RPS20: variants seen among roughly 807,000 people sequenced by gnomAD.
The protein encoded by RPS20 is ribosomal protein S20, also known as small ribosomal subunit protein uS10.
RPS20 carries 3 observed loss-of-function variants against 15.3 expected under a neutral mutation model. The ratio of observed to expected loss-of-function variants is 0.20; its 90% CI spans 0.09 to 0.51. RPS20 has a LOEUF of 0.51. Ranked by LOEUF, RPS20 falls within the 20% of genes least tolerant of loss-of-function variation. The pLI, the probability that RPS20 is intolerant of heterozygous loss-of-function variation, is 0.96. For synonymous variants in RPS20, 62 were observed against 47.8 expected (o/e 1.30, Z -1.23); for missense variants, 67 against 145.9 (o/e 0.46, Z 2.79).
At chr8:56,069,446 G>A (rs540918693), downstream of RPS20, among the ~76,000 whole-genome samples, 246 of 152,064 alleles carry the variant, frequency 1.6e-3, 1 homozygote, top group Non-Finnish European at 2.0e-3. Context: ...TTACAGGAGC[G>A]TGCCACCACA....
At chr8:56,070,756 T>A (rs1246042742), downstream of RPS20, among the ~76,000 whole-genome samples, 3 of 144,630 alleles carry the variant, frequency 2.1e-5, no homozygotes, top group African/African-American at 7.5e-5. Context: ...AAAAAAAAAA[T>A]TCTGACCCAG....
At chr8:56,069,587 C>T, downstream of RPS20, 1 of 762,838 alleles carries the variant, frequency 1.3e-6, no homozygotes, top group Non-Finnish European at 2.2e-6. Flanking sequence ...GTGTGAGCCA[C>T]CCCGCCCAGC....
chr8:56,073,845 G>A (rs34444430), intron 2 of RPS20, 77 bp from the exon 3 acceptor site: 1 of 1,345,224 alleles, frequency 7.4e-7, no homozygotes, highest in African/African-American at 1.4e-5. Flanking sequence ...TGCTGGCTCA[G>A]AATAGCGTAT....
chr8:56,073,611 T>C lies in RPS20; in HGVS notation c.177+84A>G, dbSNP rs998854851. The C allele has an allele frequency of 5.4e-6, 6 of 1,113,888 alleles. No homozygotes were observed. In the African/African-American group the frequency reaches 7.7e-5, roughly 14 times the overall value. The allele number at this position is 1,113,888 out of a possible 1,614,324, so 69.0% of individuals were successfully genotyped here. ...GTAGACAGCATCAGTGTTAACAATT[T>C]TGGCAGCCGAACTCCTTAAAGAACC... On this transcript the variant is annotated intron_variant, in intron 3 of 3. Transcript: ENST00000009589.
At chr8:56,069,944 C>T, downstream of RPS20, 4 of 696,112 alleles carry the variant, frequency 5.7e-6, no homozygotes, top group South Asian at 6.1e-5. Flanking sequence ...ATACCATTTA[C>T]ATTGTATTAG....
chr8:56,071,463 A>G (rs1809752999), downstream of RPS20, among the ~76,000 whole-genome samples: 1 of 152,138 alleles, frequency 6.6e-6, no homozygotes, highest in Admixed American at 6.6e-5. Flanking sequence ...TTCATTCCAG[A>G]CTCAGTTCCA....
At chr8:56,067,642 C>T (rs1001380708) in exon 6 of RPS20, 2 of 150,602 alleles carry the variant, frequency 1.3e-5, no homozygotes, top group Admixed American at 6.6e-5. Flanking sequence ...GCCGAGATCG[C>T]GCCACTGCAC....
At chr8:56,071,861 C>G (rs1809765471), downstream of RPS20, among the ~76,000 whole-genome samples, 1 of 152,232 alleles carries the variant, frequency 6.6e-6, no homozygotes, top group South Asian at 2.1e-4. Flanking sequence ...GCAATCTTAA[C>G]AATTTGTAGA....
downstream of RPS20, chr8:56,072,731 G>T: frequency 3.8e-6 from 1 of 265,818 alleles, no homozygotes; most frequent in Non-Finnish European, 5.8e-6. Flanking sequence ...TTAGTTACTA[G>T]CTTTTTAACA....
chr8:56,067,644 C>CACTGGAGTG (rs1809648558), exon 6 of RPS20: 1 of 151,464 alleles, frequency 6.6e-6, no homozygotes, highest in Non-Finnish European at 1.5e-5. Flanking sequence ...CGAGATCGCG[C>CACTGGAGTG]CACTGCACTC....
downstream of RPS20, among the ~76,000 whole-genome samples, chr8:56,071,639 C>G (rs1465115635): frequency 6.6e-6 from 1 of 152,186 alleles, no homozygotes; most frequent in Non-Finnish European, 1.5e-5. Flanking sequence ...GACAGAGCTT[C>G]TGGGAGGGAA....
At chr8:56,069,380 C>A (rs1809692702), downstream of RPS20, among the ~76,000 whole-genome samples, 1 of 152,122 alleles carries the variant, frequency 6.6e-6, no homozygotes. Flanking sequence ...CTCCCTGCAA[C>A]CTCTGCCTCC....
At chr8:56,071,141 A>T (rs1454117995), downstream of RPS20, among the ~76,000 whole-genome samples, 2 of 152,244 alleles carry the variant, frequency 1.3e-5, no homozygotes, top group Non-Finnish European at 2.9e-5. Flanking sequence ...GTGAAAAAAC[A>T]CAACTGCTCA....
At chr8:56,073,995 T>C in intron 2 of RPS20, 65 bp downstream of exon 2, 1 of 1,309,996 alleles carries the variant, frequency 7.6e-7, no homozygotes, top group South Asian at 1.2e-5. Flanking sequence ...ACACTAACAT[T>C]AACGAGTAAA....
downstream of RPS20, chr8:56,069,702 C>T: frequency 6.5e-7 from 1 of 1,545,324 alleles, no homozygotes; most frequent in Non-Finnish European, 8.8e-7. Flanking sequence ...TCCACTTATA[C>T]CTGCTTGGTC....
At chr8:56,071,508 G>T (rs756671423), downstream of RPS20, among the ~76,000 whole-genome samples, 4 of 152,178 alleles carry the variant, frequency 2.6e-5, no homozygotes, top group South Asian at 4.1e-4. Flanking sequence ...TTTGTCTTGA[G>T]ATCTGAAGTA....
At chr8:56,067,475 G>C (rs1809643519) in exon 6 of RPS20, 1 of 152,198 alleles carries the variant, frequency 6.6e-6, no homozygotes, top group Admixed American at 6.5e-5. Flanking sequence ...CACGAGGTCA[G>C]GAGATGGAGA....
At chr8:56,068,732 C>T (rs1809674451), downstream of RPS20, among the ~76,000 whole-genome samples, 1 of 145,820 alleles carries the variant, frequency 6.9e-6, no homozygotes, top group Non-Finnish European at 1.5e-5. Flanking sequence ...TACAAATGTG[C>T]ACAGTTGCTT....
At chr8:56,073,652 T>TC (rs767700311) in intron 3 of RPS20, 43 bp downstream of exon 3, 13 of 1,524,002 alleles carry the variant, frequency 8.5e-6, no homozygotes, top group Non-Finnish European at 1.2e-5. Context: ...TTATGCAACA[T>TC]CCGGAAGCAA....
Sources: gnomAD v4.1 joint callset for allele counts (sites outside exome capture counted in the v4.1 genomes callset) on GRCh38, gnomAD v4.1.1 for gene constraint, MANE v1.5 for transcripts, NCBI Gene and HGNC (gene_info 2026-07-23, HGNC 2026-07-21) for gene names.